The following ARG2 variants were observed in gnomAD, a reference collection of about 807,000 sequenced individuals.
ARG2 encodes arginase-2, mitochondrial.
ARG2 carries 21 observed loss-of-function variants against 39.4 expected under a neutral mutation model. The ratio of observed to expected loss-of-function variants is 0.53; its 90% CI spans 0.38 to 0.77. The LOEUF (loss-of-function observed/expected upper bound fraction) is 0.77. ARG2 is among the 30% of genes least tolerant of loss of function. The pLI is 0.00. For missense variants in ARG2, 378 were observed against 426.2 expected, an observed-to-expected ratio of 0.89 and a Z score of 1.00; for synonymous variants, 150 against 156.7, an observed-to-expected ratio of 0.96 and a Z score of 0.32.
intron 2 of ARG2, among the ~76,000 whole-genome samples, chr14:67,631,763 G>T (rs1350304023): frequency 6.6e-6 from 1 of 151,982 alleles, no homozygotes; most frequent in East Asian, 1.9e-4. Context: ...CTTCTTACAT[G>T]TCAGTGTTCT....
Position 67,651,681 on chromosome 14 carries a change from T to G in ARG2, c.*761T>G. 1 of 449,208 alleles carries G rather than the reference T, an allele frequency of 2.2e-6. No homozygotes were observed. The highest frequency in any genetic ancestry group is 3.9e-6 in the Non-Finnish European group (1 of 259,490). 27.8% of individuals were successfully genotyped at this position (449,208 alleles called of 1,614,324 possible). On this transcript the variant is annotated 3_prime_UTR_variant, in exon 8 of 8. Transcript: ENST00000261783. ...TGTCTACCTCACAGAAATGTTAAAC[T>G]GAGACAATAAAAACCAAAGCATAAA...
intron 3 of ARG2, among the ~76,000 whole-genome samples, chr14:67,644,927 G>A (rs1005348327): frequency 1.9e-4 from 29 of 151,866 alleles, no homozygotes; most frequent in African/African-American, 6.8e-4. Context: ...GAACCCAGGA[G>A]GCGGACGTTG....
chr14:67,651,307 G>C lies in ARG2; in HGVS notation c.*387G>C. 5 of 1,607,870 alleles carry C rather than the reference G, an allele frequency of 3.1e-6. No individual in the cohort carries two copies. The highest frequency in any genetic ancestry group is 4.2e-6 in the Non-Finnish European group (5 of 1,176,762). ...AACTGTCAGCCCACAGCAGCAATAT[G>C]CTTATTCTATCCACATCCCTAACAT... On this transcript the variant is annotated 3_prime_UTR_variant, in exon 8 of 8. Coordinates refer to ENST00000261783, the MANE Select transcript of ARG2 (RefSeq NM_001172.4).
intron 3 of ARG2, among the ~76,000 whole-genome samples, chr14:67,643,838 T>G (rs2037062710): frequency 8.0e-6 from 1 of 125,132 alleles, no homozygotes; most frequent in African/African-American, 3.2e-5. Flanking sequence ...AGCAGGTAGA[T>G]TCCTCCTTGG....
At position 67,622,516 on chromosome 14, in the gene ARG2, C is replaced by T. The variant is rs147895242; in HGVS notation, c.184+1550C>T. On this transcript the variant is annotated intron_variant, in intron 2 of 7. Coordinates refer to ENST00000261783, the MANE Select transcript of ARG2 (RefSeq NM_001172.4). ...AGGCCTCTCTTAGTCATTTTAATAACTCTCCAAGTTCACCACTGAAGATTA... is the reference window on the plus strand; with the variant it reads ...AGGCCTCTCTTAGTCATTTTAATAATTCTCCAAGTTCACCACTGAAGATTA... Among the ~76,000 whole-genome samples, 511 of 152,294 alleles carry T rather than the reference C, an allele frequency of 3.4e-3. 5 individuals are homozygous for T. Among genetic ancestry groups the T allele is most frequent in the African/African-American group, 0.012 (487 of 41,560 alleles).
intron 7 of ARG2, chr14:67,650,318 T>C: frequency 4.0e-6 from 1 of 247,506 alleles, no homozygotes; most frequent in South Asian, 5.8e-5. Context: ...GCCTTCATAC[T>C]TGATTCATTT....
intron 2 of ARG2, among the ~76,000 whole-genome samples, chr14:67,627,155 T>A (rs931466083): frequency 6.6e-6 from 1 of 151,924 alleles, no homozygotes; most frequent in African/African-American, 2.4e-5. Flanking sequence ...TTCTTGAATA[T>A]ATTAGAAAGC....
At chr14:67,636,117 G>A (rs2036969283) in intron 2 of ARG2, among the ~76,000 whole-genome samples, 1 of 152,040 alleles carries the variant, frequency 6.6e-6, no homozygotes. Context: ...CTCCATGTCT[G>A]TTATTCTACC....
At chr14:67,646,153 A>AAT (rs1216955603) in intron 4 of ARG2, among the ~76,000 whole-genome samples, 5 of 152,182 alleles carry the variant, frequency 3.3e-5, no homozygotes, top group Non-Finnish European at 7.3e-5. Context: ...AGCAGTTCAG[A>AAT]ATATATGGGA....
At chr14:67,629,701 T>C (rs777897472) in intron 2 of ARG2, among the ~76,000 whole-genome samples, 1 of 152,238 alleles carries the variant, frequency 6.6e-6, no homozygotes, top group Non-Finnish European at 1.5e-5. Context: ...TTAATAGAAA[T>C]GTTATTTATA....
chr14:67,646,594 G>A (rs748454971), intron 4 of ARG2, 50 bp from the exon 5 acceptor site: 2 of 1,434,524 alleles, frequency 1.4e-6, no homozygotes, highest in Non-Finnish European at 2.0e-6. Context: ...TAATGATCTT[G>A]GTGAGAACAA....
In ARG2 at chr14:67,619,921, C is replaced by T. The variant is rs971563106; in HGVS notation, c.-57C>T. 331 of 1,241,772 alleles carry T rather than the reference C, an allele frequency of 2.7e-4. No individual in the cohort carries two copies. Among genetic ancestry groups the T allele is most frequent in the Non-Finnish European group, 3.4e-4 (308 of 913,860 alleles). 76.9% of individuals were successfully genotyped at this position (1,241,772 alleles called of 1,614,324 possible). ...GAGCAGCGGCGGGCGGTGGCGCTCA[C>T]TCCCGGCTTCCAACCGCGCGGAGCC... On this transcript the variant is annotated 5_prime_UTR_variant, in exon 1 of 8. Transcript: ENST00000261783.
intron 3 of ARG2, 41 bp downstream of exon 3, chr14:67,642,404 G>A (rs1257845906): frequency 8.1e-6 from 13 of 1,601,826 alleles, no homozygotes; most frequent in Non-Finnish European, 1.0e-5. Flanking sequence ...TGGATTACAT[G>A]GTGCTTGGGG....
At chr14:67,623,533 CCTTTTT>C (rs2036832490) in intron 2 of ARG2, among the ~76,000 whole-genome samples, 1 of 120,082 alleles carries the variant, frequency 8.3e-6, no homozygotes, top group South Asian at 2.6e-4. Flanking sequence ...TCTCAGGTAA[CCTTTTT>C]TTTTTTTTTT....
In ARG2 at chr14:67,629,844, A is replaced by G. The variant is rs140392255; in HGVS notation, c.184+8878A>G. ...GACTACACAGAAAACCTTTCTAAGG[A>G]TTTGTGTGGATCCGATAGATACTTG... is the stretch of plus-strand genomic sequence containing the variant. On this transcript the variant is annotated intron_variant, in intron 2 of 7. Transcript: ENST00000261783. 8.4e-4 allele frequency among the ~76,000 whole-genome samples: 128 copies of G among 152,352 alleles called. 2 individuals carry two copies. Among genetic ancestry groups the G allele is most frequent in the African/African-American group, 2.7e-3 (112 of 41,580 alleles).
rs186580048 is a variant in ARG2 at position 67,620,993 on chromosome 14, G to C, written c.184+27G>C. Reference sequence around the variant, plus strand: ...TAAGTGGTTAGATTTTTAGATATTAGTGCAGGACTAGTAATAGACCACTTC... The same window carrying C: ...TAAGTGGTTAGATTTTTAGATATTACTGCAGGACTAGTAATAGACCACTTC... On this transcript the variant is annotated intron_variant, in intron 2 of 7. Transcript: ENST00000261783. 4.4e-6 allele frequency: 7 copies of C among 1,605,374 alleles called. No homozygotes were observed. In the Admixed American group the frequency reaches 1.2e-4, roughly 27 times the overall value.
At chr14:67,620,849 C>T (rs765829490) in intron 1 of ARG2, 45 bp from the exon 2 acceptor site, 7 of 1,605,840 alleles carry the variant, frequency 4.4e-6, no homozygotes, top group African/African-American at 2.7e-5. Context: ...GGTTTTTTTC[C>T]GACACCTTCT....
At chr14:67,642,609 G>A (rs1224498180) in intron 3 of ARG2, among the ~76,000 whole-genome samples, 5 of 152,032 alleles carry the variant, frequency 3.3e-5, no homozygotes, top group African/African-American at 9.7e-5. Flanking sequence ...AAGTTCAGAG[G>A]TATACTAGGC....
chr14:67,635,277 C>A (rs1158329998), intron 2 of ARG2, among the ~76,000 whole-genome samples: 2 of 152,130 alleles, frequency 1.3e-5, no homozygotes, highest in East Asian at 3.9e-4. Context: ...GTTGTACAGT[C>A]TTTGGGAGTT....
Sources: gnomAD v4.1 joint callset for allele counts (sites outside exome capture counted in the v4.1 genomes callset) on GRCh38, gnomAD v4.1.1 for gene constraint, MANE v1.5 for transcripts, NCBI Gene and HGNC (gene_info 2026-07-23, HGNC 2026-07-21) for gene names.